Variants in TTC28 observed in about 807,000 individuals in gnomAD.
The protein encoded by TTC28 is tetratricopeptide repeat domain 28.
TTC28 carries 61 observed loss-of-function variants against 198.0 expected under a neutral mutation model. The ratio of observed to expected loss-of-function variants is 0.31; its 90% confidence interval spans 0.25 to 0.38. The LOEUF (loss-of-function observed/expected upper bound fraction) is 0.38, where lower values mean the gene tolerates loss of function less well. Among genes scored for constraint, TTC28 ranks in the 10% least tolerant of loss-of-function variants. The pLI is 1.00. For missense variants in TTC28, 2,678 were observed against 3,164.0 expected, an observed-to-expected ratio of 0.85 and a Z score of 3.69; for synonymous variants, 1,171 against 1,297.8, an observed-to-expected ratio of 0.90 and a Z score of 2.10.
At chr22:28,517,623 G>A (rs1395931007) in intron 2 of TTC28, among the ~76,000 whole-genome samples, 2 of 152,164 alleles carry the variant, frequency 1.3e-5, no homozygotes, top group African/African-American at 4.8e-5. Context: ...GGCTATTTTC[G>A]TGGTAAGAAA....
chr22:28,107,396 A>T lies in TTC28; in HGVS notation c.2449T>A (p.Tyr817Asn). Residue 817 changes from tyrosine to asparagine, a missense_variant, in exon 7 of 23, where the codon TAT becomes AAT. Around this residue, in one of 8 missense-constraint regions of TTC28, gnomAD observed 775 missense variants for 845.9 expected, o/e 0.92. Coordinates refer to ENST00000397906, the MANE Select transcript of TTC28 (RefSeq NM_001145418.2). ...LGKYTMAFKC[Y>N]EEQLDLGQKL... Reference sequence around the variant, plus strand: ...TGCCCTAGATCCAGTTGCTCTTCATAACACTTGAATGCCATTGTGTATTTC... The same window carrying T: ...TGCCCTAGATCCAGTTGCTCTTCATTACACTTGAATGCCATTGTGTATTTC... 1 of 1,551,824 alleles carries T rather than the reference A, an allele frequency of 6.4e-7. No homozygotes were observed. Among genetic ancestry groups the T allele is most frequent in the Non-Finnish European group, 8.7e-7 (1 of 1,147,034 alleles).
At chr22:28,160,364 A>T (rs1356252545) in intron 6 of TTC28, among the ~76,000 whole-genome samples, 1 of 152,178 alleles carries the variant, frequency 6.6e-6, no homozygotes, top group Non-Finnish European at 1.5e-5. Context: ...AAATTTTTTT[A>T]AAAAGGTTGG....
intron 2 of TTC28, among the ~76,000 whole-genome samples, chr22:28,387,563 G>A (rs1420284440): frequency 2.6e-5 from 4 of 152,130 alleles, no homozygotes; most frequent in African/African-American, 4.8e-5. Context: ...GTATCTCATT[G>A]TGGTTTTGAT....
At chr22:28,304,695 A>G (rs1213835089) in intron 3 of TTC28, among the ~76,000 whole-genome samples, 1 of 152,312 alleles carries the variant, frequency 6.6e-6, no homozygotes, top group East Asian at 1.9e-4. Flanking sequence ...TTCAAAGGCA[A>G]AATGGTAAGT....
intron 6 of TTC28, among the ~76,000 whole-genome samples, chr22:28,152,809 AT>A (rs1601392671): frequency 1.3e-5 from 2 of 152,366 alleles, no homozygotes; most frequent in East Asian, 3.9e-4. Context: ...ATTCCATAAA[AT>A]ATCATCAGGT....
chr22:28,564,321 AAAT>A (rs1179280025), intron 2 of TTC28, among the ~76,000 whole-genome samples: 1 of 152,188 alleles, frequency 6.6e-6, no homozygotes, highest in Admixed American at 6.5e-5. Flanking sequence ...ATTTTTTAAT[AAAT>A]AATATTTTAA....
intron 2 of TTC28, among the ~76,000 whole-genome samples, chr22:28,365,896 T>C (rs2046239193): frequency 6.6e-6 from 1 of 152,172 alleles, no homozygotes. Flanking sequence ...AAAAAAATGA[T>C]GTGCAAAAAG....
intron 1 of TTC28, among the ~76,000 whole-genome samples, chr22:28,649,365 T>C (rs1045798674): frequency 1.2e-4 from 18 of 152,022 alleles, no homozygotes; most frequent in African/African-American, 1.9e-4. Flanking sequence ...CCAAAAGCTA[T>C]TGAAATAAAA....
intron 12 of TTC28, among the ~76,000 whole-genome samples, chr22:28,079,657 G>C (rs1214576097): frequency 6.6e-6 from 1 of 152,078 alleles, no homozygotes; most frequent in East Asian, 1.9e-4. Context: ...GTCTTTCTTT[G>C]TGATTGGCTC....
intron 1 of TTC28, among the ~76,000 whole-genome samples, chr22:28,653,777 C>T (rs2051600916): frequency 6.6e-6 from 1 of 152,144 alleles, no homozygotes; most frequent in African/African-American, 2.4e-5. Context: ...TTTGTTAGCT[C>T]CCTTATACAT....
At chr22:28,246,192 T>A (rs911365253) in intron 5 of TTC28, among the ~76,000 whole-genome samples, 1 of 152,178 alleles carries the variant, frequency 6.6e-6, no homozygotes, top group Non-Finnish European at 1.5e-5. Flanking sequence ...AACATAGCAT[T>A]TGTACACAAG....
intron 12 of TTC28, among the ~76,000 whole-genome samples, chr22:28,086,836 C>CT (rs1297741213): frequency 1.3e-5 from 2 of 152,144 alleles, no homozygotes; most frequent in South Asian, 2.1e-4. Context: ...GATATCACCA[C>CT]CGATCCCACA....
chr22:28,407,731 G>A lies in TTC28; in HGVS notation c.382-101088C>T, dbSNP rs114364678. 4.3e-3 allele frequency among the ~76,000 whole-genome samples: 647 copies of A among 152,194 alleles called. 6 individuals carry two copies. The highest frequency in any genetic ancestry group is 0.014 in the African/African-American group (563 of 41,542). Reference sequence around the variant, plus strand: ...CAGTATTATGGGCTTTGTGACTTGCGCATATAATGAATACAGGGATAGAAT... The same window carrying A: ...CAGTATTATGGGCTTTGTGACTTGCACATATAATGAATACAGGGATAGAAT... On this transcript the variant is annotated intron_variant, in intron 2 of 22. Transcript: ENST00000397906.
intron 5 of TTC28, among the ~76,000 whole-genome samples, chr22:28,202,240 A>G (rs971065937): frequency 6.6e-6 from 1 of 152,140 alleles, no homozygotes; most frequent in African/African-American, 2.4e-5. Context: ...AAGAGCTTAA[A>G]AACAACAGAA....
chr22:28,308,394 T>G (rs896213580), intron 2 of TTC28, among the ~76,000 whole-genome samples: 1 of 152,186 alleles, frequency 6.6e-6, no homozygotes, highest in Non-Finnish European at 1.5e-5. Flanking sequence ...TATATACAAA[T>G]ATGCCAAATA....
intron 2 of TTC28, among the ~76,000 whole-genome samples, chr22:28,526,859 T>C: frequency 6.6e-6 from 1 of 151,940 alleles, no homozygotes; most frequent in African/African-American, 2.4e-5. Context: ...CAGGTACAAG[T>C]GATTCTCCTG....
At chr22:28,051,598 GTCGTTCCTGTCTTTT>G (rs1940088955) in intron 12 of TTC28, among the ~76,000 whole-genome samples, 1 of 152,130 alleles carries the variant, frequency 6.6e-6, no homozygotes, top group Non-Finnish European at 1.5e-5. Context: ...GCTGGCTGAT[GTCGTTCCTGTCTTTT>G]TCTGCCACAT....
chr22:28,062,251 G>A (rs925757771), intron 12 of TTC28, among the ~76,000 whole-genome samples: 1 of 151,794 alleles, frequency 6.6e-6, no homozygotes, highest in African/African-American at 2.4e-5. Flanking sequence ...GTAGAGACGG[G>A]GGTTTCACCA....
intron 12 of TTC28, among the ~76,000 whole-genome samples, chr22:28,033,010 C>A (rs1009249674): frequency 3.3e-5 from 5 of 152,198 alleles, no homozygotes; most frequent in Non-Finnish European, 7.3e-5. Flanking sequence ...TATTACTCAA[C>A]AAGCTCCTCT....
Sources: allele counts gnomAD v4.1 joint callset (sites outside exome capture counted in the v4.1 genomes callset), GRCh38; gene constraint gnomAD v4.1.1; regional missense constraint gnomAD v4.1.1; transcripts MANE v1.5; gene names NCBI Gene and HGNC (gene_info 2026-07-23, HGNC 2026-07-21).